Variants in KNDC1 observed in about 807,000 individuals in gnomAD.
KNDC1 encodes the protein kinase non-catalytic C-lobe domain containing 1, also known as kinase non-catalytic C-lobe domain-containing protein 1.
Under a neutral mutation model 172.8 loss-of-function variants are expected in KNDC1, and 106 were observed. That is an observed-to-expected ratio of 0.61 (90% CI 0.52 to 0.72). The LOEUF is 0.72. Ranked by LOEUF, KNDC1 falls within the 30% of genes least tolerant of loss-of-function variation. The pLI is 0.00. For missense variants in KNDC1, 2,325 were observed against 2,394.5 expected, an observed-to-expected ratio of 0.97 and a Z score of 0.61; for synonymous variants, 1,083 against 1,062.2, an observed-to-expected ratio of 1.02 and a Z score of -0.38.
At chr10:133,203,652 C>G (rs1854441618) in intron 17 of KNDC1, among the ~76,000 whole-genome samples, 1 of 152,242 alleles carries the variant, frequency 6.6e-6, no homozygotes, top group Non-Finnish European at 1.5e-5. Flanking sequence ...GCGTCTCCTG[C>G]TGTTAAAACA....
chr10:133,218,207 C>G (rs370234121), intron 26 of KNDC1, among the ~76,000 whole-genome samples: 1 of 152,270 alleles, frequency 6.6e-6, no homozygotes, highest in Non-Finnish European at 1.5e-5. Flanking sequence ...TCTCCAGAAT[C>G]TTCCTGAAGC....
intron 5 of KNDC1, 77 bp downstream of exon 5, chr10:133,184,066 G>C: frequency 1.2e-6 from 1 of 805,422 alleles, no homozygotes; most frequent in Middle Eastern, 2.9e-4. Context: ...TGCACATGCT[G>C]CAAACACACC....
At chr10:133,162,952 G>A (rs1853024241) in intron 1 of KNDC1, among the ~76,000 whole-genome samples, 1 of 152,250 alleles carries the variant, frequency 6.6e-6, no homozygotes, top group African/African-American at 2.4e-5. Flanking sequence ...AAGTGACCAG[G>A]TTGGATCCCA....
chr10:133,183,641 G>A (rs1045238031), intron 4 of KNDC1, 151 bp downstream of exon 4: 1 of 1,026,790 alleles, frequency 9.7e-7, no homozygotes, highest in Non-Finnish European at 1.4e-6. Flanking sequence ...GGAGGACTTG[G>A]TTTTTTATTG....
At chr10:133,177,322 CGTG>C (rs944979491) in intron 3 of KNDC1, among the ~76,000 whole-genome samples, 2 of 151,750 alleles carry the variant, frequency 1.3e-5, no homozygotes, top group African/African-American at 2.4e-5. Flanking sequence ...ATGTATGTAG[CGTG>C]GTGTCATGCC....
chr10:133,182,555 C>G (rs1376582696), intron 3 of KNDC1, among the ~76,000 whole-genome samples: 1 of 152,252 alleles, frequency 6.6e-6, no homozygotes, highest in African/African-American at 2.4e-5. Context: ...GCCCCACAGG[C>G]AGCCGTCCTG....
chr10:133,204,819 C>T (rs1166935253), intron 17 of KNDC1, among the ~76,000 whole-genome samples: 3 of 152,100 alleles, frequency 2.0e-5, no homozygotes, highest in Non-Finnish European at 2.9e-5. Flanking sequence ...CCCCTCGGGG[C>T]GGTCGCTTCG....
rs745603145 is a variant in KNDC1, at chr10:133,160,588, T to A, written c.102+19T>A. 6.6e-7 allele frequency: 1 copy of A among 1,523,702 alleles called. No individual in the cohort carries two copies. Among genetic ancestry groups the A allele is most frequent in the East Asian group, 2.5e-5 (1 of 40,678 alleles). 94.4% of individuals were successfully genotyped at this position (1,523,702 alleles called of 1,614,324 possible). ...GGACGAGGTGAGCCCCCGGCCCCAC[T>A]GGGGGGCCCCTTCCGCCGCCGAGGG... On this transcript the variant is annotated intron_variant, in intron 1 of 29. Coordinates refer to ENST00000304613, the MANE Select transcript of KNDC1 (RefSeq NM_152643.8).
intron 29 of KNDC1, among the ~76,000 whole-genome samples, chr10:133,221,476 A>G (rs1275405176): frequency 2.6e-5 from 4 of 152,098 alleles, no homozygotes; most frequent in South Asian, 2.1e-4. Context: ...CACAGCCCCA[A>G]GCTCGGCCTC....
In KNDC1 at chr10:133,185,940, C is replaced by T. The variant is rs1853896480; in HGVS notation, c.626-34C>T. ...GAGGAGAGGGGAGGGGCGGGAGGGG[C>T]ACCCAGCCGTGACCACATCTTGCTT... On this transcript the variant is annotated intron_variant, in intron 5 of 29. Coordinates refer to ENST00000304613, the MANE Select transcript of KNDC1 (RefSeq NM_152643.8). The T allele has an allele frequency of 5.3e-6, 5 of 947,124 alleles. No homozygotes were observed. In the East Asian group the frequency reaches 2.1e-4, roughly 39 times the overall value. The allele number at this position is 947,124 out of a possible 1,614,324, so 58.7% of individuals were successfully genotyped here.
intron 17 of KNDC1, among the ~76,000 whole-genome samples, chr10:133,204,283 G>A (rs953417984): frequency 3.3e-5 from 5 of 152,222 alleles, no homozygotes; most frequent in African/African-American, 1.2e-4. Context: ...CTGTCCACCG[G>A]GTAGCCAACA....
chr10:133,160,442 G>A lies in KNDC1; in HGVS notation c.-26G>A, dbSNP rs762995438. 17 of 1,475,560 alleles carry A rather than the reference G, an allele frequency of 1.2e-5. No individual in the cohort carries two copies. The highest frequency in any genetic ancestry group is 3.8e-5 in the South Asian group (3 of 77,924). 91.4% of individuals were successfully genotyped at this position (1,475,560 alleles called of 1,614,324 possible). ...CAGCCCAGCCCAGCCGGAGGCCCCGGGGGCGGTGCGCGGCGCGGCCGCAGG... is the reference window on the plus strand; with the variant it reads ...CAGCCCAGCCCAGCCGGAGGCCCCGAGGGCGGTGCGCGGCGCGGCCGCAGG... On this transcript the variant is annotated 5_prime_UTR_variant, in exon 1 of 30. Coordinates refer to ENST00000304613, the MANE Select transcript of KNDC1 (RefSeq NM_152643.8).
rs886099387 is a variant in KNDC1, at chr10:133,172,188, C to G, written c.360+3876C>G. 2.0e-5 allele frequency among the ~76,000 whole-genome samples: 3 copies of G among 152,266 alleles called. No individual in the cohort carries two copies. The East Asian group carries it at 5.8e-4, about 29-fold the overall frequency. ...TCAGGGAGAAACTGACCACTCCCCC[C>G]ATCCCCCATTCTAAAAAGAGCGCTT... On this transcript the variant is annotated intron_variant, in intron 3 of 29. Coordinates refer to ENST00000304613, the MANE Select transcript of KNDC1 (RefSeq NM_152643.8).
At chr10:133,169,200 C>T (rs1366659438) in intron 3 of KNDC1, among the ~76,000 whole-genome samples, 1 of 152,230 alleles carries the variant, frequency 6.6e-6, no homozygotes, top group East Asian at 1.9e-4. Context: ...GTGGCTCACT[C>T]CTGTAATCCC....
chr10:133,160,682 C>T, intron 1 of KNDC1, 113 bp downstream of exon 1: 1 of 631,256 alleles, frequency 1.6e-6, no homozygotes, highest in East Asian at 3.4e-5. Flanking sequence ...AGGCGCCCTC[C>T]ATGGCCGAGG....
At chr10:133,164,427 C>A (rs536601877) in intron 1 of KNDC1, among the ~76,000 whole-genome samples, 1 of 152,190 alleles carries the variant, frequency 6.6e-6, no homozygotes, top group Non-Finnish European at 1.5e-5. Flanking sequence ...TGGAAAGTCA[C>A]GAGGCCCCAG....
At chr10:133,165,589 G>T (rs767099260) in intron 1 of KNDC1, among the ~76,000 whole-genome samples, 2 of 152,238 alleles carry the variant, frequency 1.3e-5, no homozygotes, top group Non-Finnish European at 2.9e-5. Context: ...GTCTGTGCCC[G>T]TGTTTGCAGG....
At chr10:133,212,234 AC>A (rs1845383934) in intron 23 of KNDC1, among the ~76,000 whole-genome samples, 1 of 150,492 alleles carries the variant, frequency 6.6e-6, no homozygotes, top group African/African-American at 2.5e-5. Flanking sequence ...ACACGTGTGC[AC>A]CCTCACGCAA....
At chr10:133,201,011 C>T (rs2136001221) in intron 16 of KNDC1, among the ~76,000 whole-genome samples, 1 of 152,336 alleles carries the variant, frequency 6.6e-6, no homozygotes, top group East Asian at 1.9e-4. Context: ...GGTGACGGGC[C>T]CAGTTCCTAT....
Sources: gnomAD v4.1 joint callset for allele counts (sites outside exome capture counted in the v4.1 genomes callset) on GRCh38, gnomAD v4.1.1 for gene constraint, MANE v1.5 for transcripts, NCBI Gene and HGNC (gene_info 2026-07-23, HGNC 2026-07-21) for gene names.